Variants in STARD13 observed in about 807,000 individuals in gnomAD.
STARD13 encodes stAR-related lipid transfer protein 13.
Under a neutral mutation model 106.4 loss-of-function variants are expected in STARD13, and 62 were observed. The observed-to-expected ratio is 0.58, with a 90% CI of 0.48 to 0.72. The LOEUF is 0.72. STARD13 is among the 30% of genes least tolerant of loss of function. The probability of loss-of-function intolerance (pLI) is 0.00; values close to 1 mark genes in which losing one functional copy is unlikely to be tolerated. For synonymous variants in STARD13, 565 were observed against 553.0 expected (o/e 1.02, Z -0.31); for missense variants, 1,387 against 1,424.0 (o/e 0.97, Z 0.42).
At chr13:33,469,467 C>T in the STARD13 span, among the ~76,000 whole-genome samples, 2 of 152,136 alleles carry the variant, frequency 1.3e-5, no homozygotes, top group East Asian at 3.9e-4. Flanking sequence ...TACATGATAT[C>T]CCCCTCACTC....
At chr13:33,623,064 C>G in the STARD13 span, among the ~76,000 whole-genome samples, 1 of 152,056 alleles carries the variant, frequency 6.6e-6, no homozygotes, top group Non-Finnish European at 1.5e-5. Context: ...GTGCCATGCA[C>G]TCCAGTGTAG....
At chr13:33,438,728 C>A in the STARD13 span, among the ~76,000 whole-genome samples, 1 of 152,268 alleles carries the variant, frequency 6.6e-6, no homozygotes, top group African/African-American at 2.4e-5. Context: ...ATGACTATAT[C>A]CCAGAGATCC....
the STARD13 span, among the ~76,000 whole-genome samples, chr13:33,540,615 G>A: frequency 6.6e-6 from 1 of 152,184 alleles, no homozygotes; most frequent in African/African-American, 2.4e-5. Flanking sequence ...ACTATGGAAA[G>A]CAATACCATG....
At chr13:33,488,834 T>G in the STARD13 span, among the ~76,000 whole-genome samples, 1 of 152,252 alleles carries the variant, frequency 6.6e-6, no homozygotes, top group East Asian at 1.9e-4. Context: ...TGTGATCATA[T>G]ATGATTTTGT....
intron 12 of STARD13, 66 bp from the exon 13 acceptor site, chr13:33,107,000 C>G: frequency 6.8e-7 from 1 of 1,479,730 alleles, no homozygotes; most frequent in Non-Finnish European, 9.2e-7. Context: ...GAACACAGAG[C>G]TAAGGTTTGT....
At chr13:33,494,668 C>G in the STARD13 span, among the ~76,000 whole-genome samples, 1 of 151,996 alleles carries the variant, frequency 6.6e-6, no homozygotes, top group Non-Finnish European at 1.5e-5. Context: ...AGATTATAGT[C>G]CAGATGCAAC....
intron 1 of STARD13, among the ~76,000 whole-genome samples, chr13:33,272,304 G>A (rs901819902): frequency 1.3e-5 from 2 of 152,140 alleles, no homozygotes; most frequent in African/African-American, 4.8e-5. Flanking sequence ...ACTCCAATGG[G>A]CATTTCCTTT....
At chr13:33,478,635 G>A in the STARD13 span, among the ~76,000 whole-genome samples, 1 of 152,046 alleles carries the variant, frequency 6.6e-6, no homozygotes, top group Non-Finnish European at 1.5e-5. Flanking sequence ...AAAAGGTCAG[G>A]CTGGGCATGG....
At chr13:33,116,695 A>C (rs1875417095) in intron 8 of STARD13, among the ~76,000 whole-genome samples, 1 of 152,244 alleles carries the variant, frequency 6.6e-6, no homozygotes, top group Non-Finnish European at 1.5e-5. Flanking sequence ...AGGGAGACTT[A>C]ATTGAAAAAT....
At chr13:33,423,610 T>G in the STARD13 span, among the ~76,000 whole-genome samples, 1 of 152,184 alleles carries the variant, frequency 6.6e-6, no homozygotes, top group African/African-American at 2.4e-5. Flanking sequence ...ACCCAAAGGA[T>G]TATAAATCAT....
At chr13:33,341,447 G>A (rs1427815927) in intron 1 of STARD13, among the ~76,000 whole-genome samples, 4 of 152,028 alleles carry the variant, frequency 2.6e-5, no homozygotes, top group Non-Finnish European at 2.9e-5. Context: ...GACCAACCTC[G>A]CTAACATGGT....
chr13:33,445,165 A>C, the STARD13 span, among the ~76,000 whole-genome samples: 4 of 152,226 alleles, frequency 2.6e-5, no homozygotes, highest in Non-Finnish European at 4.4e-5. Flanking sequence ...AGCAGTTTCA[A>C]CACCTGCTGC....
intron 1 of STARD13, among the ~76,000 whole-genome samples, chr13:33,300,435 T>C (rs970951771): frequency 6.6e-6 from 1 of 152,176 alleles, no homozygotes; most frequent in South Asian, 2.1e-4. Flanking sequence ...GGAAGGTCCC[T>C]TCCAAACTAA....
intron 11 of STARD13, 78 bp downstream of exon 11, chr13:33,110,608 G>C: frequency 1.6e-6 from 2 of 1,281,476 alleles, no homozygotes; most frequent in Non-Finnish European, 2.3e-6. Flanking sequence ...CACAGCAGCT[G>C]TTTTCAATGC....
intron 1 of STARD13, among the ~76,000 whole-genome samples, chr13:33,292,778 G>A (rs766928066): frequency 4.6e-5 from 7 of 151,750 alleles, no homozygotes; most frequent in Non-Finnish European, 1.0e-4. Flanking sequence ...GAGGGTCTTC[G>A]AAAACCGTGG....
downstream of STARD13, among the ~76,000 whole-genome samples, chr13:33,346,476 C>T (rs923146398): frequency 6.6e-6 from 1 of 152,112 alleles, no homozygotes; most frequent in African/African-American, 2.4e-5. Context: ...TCTATCTGTT[C>T]AGTTGACAAG....
chr13:33,459,913 G>A, the STARD13 span, among the ~76,000 whole-genome samples: 1 of 152,126 alleles, frequency 6.6e-6, no homozygotes, highest in Non-Finnish European at 1.5e-5. Context: ...AAAATGTGAT[G>A]CCATTCTAAC....
the STARD13 span, among the ~76,000 whole-genome samples, chr13:33,362,819 C>T: frequency 9.2e-5 from 14 of 152,358 alleles, no homozygotes; most frequent in African/African-American, 3.4e-4. Flanking sequence ...TGCCCCTTCA[C>T]TAGACTGTAA....
the STARD13 span, among the ~76,000 whole-genome samples, chr13:33,479,365 T>G: frequency 6.6e-6 from 1 of 152,178 alleles, no homozygotes; most frequent in Non-Finnish European, 1.5e-5. Context: ...GATCCAGAAC[T>G]GCATTCATTT....
Sources: gnomAD v4.1 joint callset for allele counts (sites outside exome capture counted in the v4.1 genomes callset) on GRCh38, gnomAD v4.1.1 for gene constraint, MANE v1.5 for transcripts, NCBI Gene and HGNC (gene_info 2026-07-23, HGNC 2026-07-21) for gene names.